The following NOP58 variants were observed in gnomAD, a reference collection of about 807,000 sequenced individuals.
NOP58 encodes nucleolar protein 58.
A neutral mutation model predicts 71.2 loss-of-function variants in NOP58; 44 were observed. That is an observed-to-expected ratio of 0.62 (90% CI 0.49 to 0.79). The LOEUF (loss-of-function observed/expected upper bound fraction) is 0.79. NOP58 is among the 30% of genes least tolerant of loss of function. NOP58 has a pLI of 0.00. For missense variants in NOP58, 538 were observed against 620.2 expected, an observed-to-expected ratio of 0.87 and a Z score of 1.41; for synonymous variants, 228 against 200.3, an observed-to-expected ratio of 1.14 and a Z score of -1.17.
At chr2:202,280,768 GTCT>G (rs1242492990) in intron 3 of NOP58, among the ~76,000 whole-genome samples, 3 of 142,708 alleles carry the variant, frequency 2.1e-5, no homozygotes, top group African/African-American at 8.7e-5. Context: ...CAACTTGCAA[GTCT>G]TTTTTTTTTT....
intron 1 of NOP58, among the ~76,000 whole-genome samples, chr2:202,269,988 T>C (rs1688491201): frequency 6.6e-6 from 1 of 152,234 alleles, no homozygotes. Context: ...TTTGTGTCAC[T>C]TCATTTTCTC....
At chr2:202,298,885 G>T (rs1689040551) in intron 12 of NOP58, among the ~76,000 whole-genome samples, 1 of 148,686 alleles carries the variant, frequency 6.7e-6, no homozygotes, top group Non-Finnish European at 1.5e-5. Flanking sequence ...TATGTATCAA[G>T]ATTCTTCAAA....
chr2:202,292,107 C>T (rs1302984546), intron 8 of NOP58, among the ~76,000 whole-genome samples: 2 of 148,640 alleles, frequency 1.3e-5, no homozygotes, highest in African/African-American at 2.5e-5. Flanking sequence ...GGTTCTCCTG[C>T]CTCAGCCTCC....
intron 6 of NOP58, among the ~76,000 whole-genome samples, chr2:202,288,823 AAAAC>A (rs778864111): frequency 1.1e-4 from 16 of 151,678 alleles, no homozygotes; most frequent in Non-Finnish European, 2.1e-4. Context: ...CTCAAAAAAA[AAAAC>A]AAAGTATTCG....
intron 3 of NOP58, 103 bp from the exon 4 acceptor site, chr2:202,282,248 C>G: frequency 1.2e-6 from 1 of 800,710 alleles, no homozygotes. Flanking sequence ...TAAATTCAAG[C>G]CCTTTGAAAG....
intron 8 of NOP58, 33 bp from the exon 9 acceptor site, chr2:202,292,744 A>G (rs1334270566): frequency 1.3e-6 from 2 of 1,569,570 alleles, no homozygotes; most frequent in South Asian, 1.1e-5. Flanking sequence ...TACTCATATG[A>G]TATTTGTGAC....
chr2:202,290,725 T>C (rs1475266855), intron 7 of NOP58, among the ~76,000 whole-genome samples: 1 of 152,230 alleles, frequency 6.6e-6, no homozygotes, highest in African/African-American at 2.4e-5. Flanking sequence ...AACTTGATTG[T>C]TGATTGTCGT....
rs181352161 is a variant in NOP58 at position 202,271,025 on chromosome 2, A to G, written c.46-4088A>G. 5.3e-5 allele frequency among the ~76,000 whole-genome samples: 8 copies of G among 152,024 alleles called. No individual in the cohort carries two copies. The East Asian group carries it at 1.4e-3, about 26-fold the overall frequency. ...CTTGAACCAGGGAGGTGGAGGTTGC[A>G]GTGAGAAGACCGCGCCTCTGCACTC... On this transcript the variant is annotated intron_variant, in intron 1 of 14. Coordinates refer to ENST00000264279, the MANE Select transcript of NOP58 (RefSeq NM_015934.5).
In NOP58 at chr2:202,275,323, T is replaced by C. The variant is rs146263733; in HGVS notation, c.122+134T>C. The C allele has an allele frequency of 8.7e-4, 512 of 587,314 alleles. 1 individual carries two copies. The highest frequency in any genetic ancestry group is 8.4e-3 in the African/African-American group (448 of 53,164). The allele number at this position is 587,314 out of a possible 1,614,324, so 36.4% of individuals were successfully genotyped here. ...AAATCTGTTTCAGGAATAATTTTGG[T>C]ATGAACCTAATTATTACAAATGTTT... On this transcript the variant is annotated intron_variant, in intron 2 of 14. Coordinates refer to ENST00000264279, the MANE Select transcript of NOP58 (RefSeq NM_015934.5).
At chr2:202,273,797 G>A (rs1688545707) in intron 1 of NOP58, among the ~76,000 whole-genome samples, 1 of 152,124 alleles carries the variant, frequency 6.6e-6, no homozygotes, top group Admixed American at 6.5e-5. Context: ...ACAAAAACTA[G>A]TTGGGTGTTG....
intron 1 of NOP58, among the ~76,000 whole-genome samples, chr2:202,274,240 T>A (rs1398359393): frequency 6.6e-6 from 1 of 152,088 alleles, no homozygotes; most frequent in Non-Finnish European, 1.5e-5. Flanking sequence ...GTTTTATTTT[T>A]TTGAGATGGA....
chr2:202,278,506 G>A (rs542644046), intron 3 of NOP58, among the ~76,000 whole-genome samples: 75 of 152,246 alleles, frequency 4.9e-4, no homozygotes, highest in African/African-American at 1.4e-3. Context: ...TGACAGAGGT[G>A]TTATTTTTAA....
chr2:202,276,289 G>A (rs1436695653), intron 2 of NOP58: 12 of 203,314 alleles, frequency 5.9e-5, no homozygotes, highest in South Asian at 2.9e-4. Flanking sequence ...GCAGTGAGCC[G>A]AGATTGCGCC....
intron 2 of NOP58, chr2:202,276,512 C>T (rs564644927): frequency 1.9e-5 from 10 of 512,960 alleles, no homozygotes; most frequent in African/African-American, 1.5e-4. Flanking sequence ...ACTGAGACAA[C>T]GATGAATCAA....
Position 202,284,334 on chromosome 2 carries a change from T to C in NOP58, c.298-11T>C. The C allele has an allele frequency of 6.3e-7, 1 of 1,582,656 alleles. No homozygotes were observed. Among genetic ancestry groups the C allele is most frequent in the Non-Finnish European group, 8.6e-7 (1 of 1,163,972 alleles). ...TTTTTTAATTTAATATAGATGTTCATGTTCTTGTAGGAAAAGCTGAATCTC... is the reference window on the plus strand; with the variant it reads ...TTTTTTAATTTAATATAGATGTTCACGTTCTTGTAGGAAAAGCTGAATCTC... On this transcript the variant is annotated splice_polypyrimidine_tract_variant and intron_variant, in intron 4 of 14. Transcript: ENST00000264279.
At chr2:202,296,065 T>C (rs1372236106) in intron 10 of NOP58, among the ~76,000 whole-genome samples, 1 of 151,896 alleles carries the variant, frequency 6.6e-6, no homozygotes, top group Non-Finnish European at 1.5e-5. Flanking sequence ...GTGTTAGTAT[T>C]TTTTTCCCCC....
chr2:202,288,485 TA>T (rs369945744), intron 6 of NOP58, among the ~76,000 whole-genome samples: 2,660 of 115,064 alleles, frequency 0.023, 50 homozygotes, highest in African/African-American at 0.062. Context: ...TCCATCTCAC[TA>T]AAAAAAAAAA....
In NOP58 at chr2:202,282,371, G is replaced by A. The variant is rs1397841343; in HGVS notation, c.196G>A (p.Gly66Ser). The A allele has an allele frequency of 2.5e-6, 4 of 1,611,372 alleles. No individual in the cohort carries two copies. The highest frequency in any genetic ancestry group is 1.7e-5 in the Admixed American group (1 of 59,498). ...ALAAFTALME[G>S]KINKQLKKVL... ...AAAAGCATTCACAGCTCTGATGGAG[G>A]GCAAAATCAATAAGCAGCTGAAAAA... Residue 66 changes from glycine (G) to serine (S), a missense_variant, in exon 4 of 15, where the codon GGC becomes AGC. Transcript: ENST00000264279.
intron 3 of NOP58, among the ~76,000 whole-genome samples, chr2:202,281,821 A>G (rs1688710424): frequency 6.6e-6 from 1 of 152,198 alleles, no homozygotes; most frequent in Non-Finnish European, 1.5e-5. Flanking sequence ...TGCCAGAAAT[A>G]CCAGCGGTCT....
Sources: gnomAD v4.1 joint callset for allele counts (sites outside exome capture counted in the v4.1 genomes callset) on GRCh38, gnomAD v4.1.1 for gene constraint, MANE v1.5 for transcripts, NCBI Gene and HGNC (gene_info 2026-07-23, HGNC 2026-07-21) for gene names.